The following SLC22A7 variants were observed in gnomAD, a reference collection of about 807,000 sequenced individuals.
SLC22A7 encodes the protein hOAT2.
SLC22A7 carries 48 observed loss-of-function variants against 62.2 expected under a neutral mutation model. The observed-to-expected ratio is 0.77, with a 90% CI of 0.61 to 0.98. The LOEUF (loss-of-function observed/expected upper bound fraction) is 0.98. Ranked by LOEUF, SLC22A7 falls within the 50% of genes least tolerant of loss-of-function variation. The pLI is 0.00. For missense variants in SLC22A7, 581 were observed against 703.8 expected (o/e 0.83, Z 1.97); for synonymous variants, 276 against 314.8 (o/e 0.88, Z 1.30).
intron 7 of SLC22A7, 43 bp downstream of exon 7, chr6:43,301,735 G>C (rs1562114867): frequency 1.3e-5 from 19 of 1,430,500 alleles, no homozygotes; most frequent in Non-Finnish European, 1.6e-5. Context: ...TGGTGGGAGG[G>C]AGGAGCAAAC....
chr6:43,303,116 T>C (rs1778813542), intron 9 of SLC22A7: 1 of 985,410 alleles, frequency 1.0e-6, no homozygotes, highest in South Asian at 4.7e-5. Flanking sequence ...TTATCTTCTG[T>C]ACTATGTGAC....
rs1350618589 is a variant in SLC22A7, at chr6:43,304,943, G to A, written c.*218G>A. 10 of 421,270 alleles carry A rather than the reference G, an allele frequency of 2.4e-5. No homozygotes were observed. In the Admixed American group the frequency reaches 2.5e-4, roughly 10 times the overall value. The allele number at this position is 421,270 out of a possible 1,614,324, so 26.1% of individuals were successfully genotyped here. ...GTGGGCTGCTGGGCACCCCTCTCAC[G>A]GTTGGGGAGGATTCTGTAAATAAAG... On this transcript the variant is annotated 3_prime_UTR_variant, in exon 11 of 11. Transcript: ENST00000372585.
chr6:43,305,350 T>C lies in SLC22A7; in HGVS notation c.*625T>C, dbSNP rs911315438. ...CAAGGGACAAAAAGAACAGAGCTTT[T>C]TGTTCTCATGGCTGGCCCTGCTACC... On this transcript the variant is annotated 3_prime_UTR_variant, in exon 11 of 11. Transcript: ENST00000372585. 8 of 227,438 alleles carry C rather than the reference T, an allele frequency of 3.5e-5. No homozygotes were observed. The highest frequency in any genetic ancestry group is 6.9e-5 in the Non-Finnish European group (8 of 115,930). 14.1% of individuals were successfully genotyped at this position (227,438 alleles called of 1,614,324 possible).
chr6:43,301,877 T>C (rs928569566), intron 7 of SLC22A7, among the ~76,000 whole-genome samples, 185 bp downstream of exon 7: 3 of 152,082 alleles, frequency 2.0e-5, no homozygotes, highest in Non-Finnish European at 4.4e-5. Context: ...CAGAGACACA[T>C]GGGTTCAAGC....
chr6:43,304,447 TG>T (rs1778870380), intron 10 of SLC22A7: 1 of 592,294 alleles, frequency 1.7e-6, no homozygotes, highest in South Asian at 2.3e-5. Flanking sequence ...TGTACATGAG[TG>T]TATGAACACA....
In SLC22A7 at chr6:43,301,228, GC is replaced by G. The variant is rs1778733231; in HGVS notation, c.923del (p.Pro308GlnfsTer12). 1 of 1,614,192 alleles carries G rather than the reference GC, an allele frequency of 6.2e-7. No individual in the cohort carries two copies. The highest frequency in any genetic ancestry group is 2.2e-5 in the East Asian group (1 of 44,886). On this transcript the variant is annotated frameshift_variant, in exon 6 of 11. Coordinates refer to ENST00000372585, the MANE Select transcript of SLC22A7 (RefSeq NM_153320.2). LOFTEE classifies it high-confidence loss of function. ...TCCACTGTGCCAGGCTCAATGGGCGGCCAGTGTGTGAGGACAGCTTCAGCCA... is the reference window on the plus strand; with the variant it reads ...TCCACTGTGCCAGGCTCAATGGGCGGCAGTGTGTGAGGACAGCTTCAGCCA... The part of the protein sequence containing the change: ...LLHCARLNGR[P>X]VCEDSFSQEA...
rs1231679139 is a variant in SLC22A7, at chr6:43,302,765, T to C, written c.1385+2T>C. 1.3e-6 allele frequency: 2 copies of C among 1,592,274 alleles called. No homozygotes were observed. Among genetic ancestry groups the C allele is most frequent in the Admixed American group, 3.4e-5 (2 of 59,030 alleles). Reference sequence around the variant, plus strand: ...AGAGTTGTACCCTACGGTGCTCAGGTGAGGAAGCCTGCAACTGATCTGGGG... The same window carrying C: ...AGAGTTGTACCCTACGGTGCTCAGGCGAGGAAGCCTGCAACTGATCTGGGG... On this transcript the variant is annotated splice_donor_variant, in intron 9 of 10. Transcript: ENST00000372585. LOFTEE classifies it high-confidence loss of function. The surrounding 1 kb of genome is among the most constrained non-coding windows in gnomAD (Gnocchi z 5.0).
chr6:43,301,375 C>T (rs1778740582), intron 6 of SLC22A7, 117 bp downstream of exon 6: 3 of 1,454,172 alleles, frequency 2.1e-6, no homozygotes, highest in South Asian at 2.5e-5. Context: ...TGGGCCCCCA[C>T]AGAGAGTTCC....
intron 5 of SLC22A7, 135 bp downstream of exon 5, chr6:43,300,201 G>A: frequency 1.1e-6 from 1 of 893,714 alleles, no homozygotes; most frequent in South Asian, 1.7e-5. Flanking sequence ...GACAGAAAGA[G>A]ACACAGAGAA....
At chr6:43,300,947 C>T (rs1165215879) in intron 5 of SLC22A7, among the ~76,000 whole-genome samples, 188 bp from the exon 6 acceptor site, 1 of 152,198 alleles carries the variant, frequency 6.6e-6, no homozygotes, top group Admixed American at 6.5e-5. Context: ...CCAGAGGTGG[C>T]TTTTAAACTG....
upstream of SLC22A7, among the ~76,000 whole-genome samples, chr6:43,296,509 T>C (rs1582540775): frequency 6.6e-6 from 1 of 152,238 alleles, no homozygotes; most frequent in South Asian, 2.1e-4. Context: ...AATAATATCA[T>C]TACATAGTAT....
rs1430061169 is a variant in SLC22A7 at position 43,304,179 on chromosome 6, C to T, written c.1527C>T (p.Ala509=). 1 of 1,599,316 alleles carries T rather than the reference C, an allele frequency of 6.3e-7. No homozygotes were observed. The highest frequency in any genetic ancestry group is 8.5e-7 in the Non-Finnish European group (1 of 1,171,578). ...GGIALLAAGT[A]LLLPETRQAQ... ...TCGCCCTGCTGGCTGCCGGCACCGC[C>T]CTCCTGCTGCCAGAGACGAGGCAGG... The change falls in exon 10 of 11, where the codon GCC becomes GCT. Residue 509 remains alanine (A), a synonymous_variant. Transcript: ENST00000372585.
At position 43,299,278 on chromosome 6, in the gene SLC22A7, C is replaced by T. The variant is rs942295794; in HGVS notation, c.400-112C>T. The T allele has an allele frequency of 1.2e-6, 2 of 1,602,640 alleles. No individual in the cohort carries two copies. The highest frequency in any genetic ancestry group is 1.7e-6 in the Non-Finnish European group (2 of 1,174,254). ...AGGTTTATTATCTGGCATGGAGGTA[C>T]CAGAATGGCAGAGTTCGCCTCAGAA... On this transcript the variant is annotated intron_variant, in intron 2 of 10. Coordinates refer to ENST00000372585, the MANE Select transcript of SLC22A7 (RefSeq NM_153320.2). The surrounding 1 kb of genome is among the most constrained non-coding windows in gnomAD (Gnocchi z 4.4).
upstream of SLC22A7, chr6:43,298,165 G>A (rs780396552): frequency 1.8e-6 from 1 of 569,436 alleles, no homozygotes; most frequent in South Asian, 2.4e-5. Flanking sequence ...AGGCAAGACA[G>A]GTAGAGGTCC....
chr6:43,301,194 G>C lies in SLC22A7; in HGVS notation c.887G>C (p.Arg296Thr), dbSNP rs137978532. The C allele has an allele frequency of 6.2e-7, 1 of 1,614,226 alleles. No homozygotes were observed. Among genetic ancestry groups the C allele is most frequent in the Non-Finnish European group, 8.5e-7 (1 of 1,180,038 alleles). ...LTQGHVKEAH[R>T]YLLHCARLNG... Reference sequence around the variant, plus strand: ...CAAGGCCATGTGAAAGAGGCCCACAGGTACTTGCTCCACTGTGCCAGGCTC... The same window carrying C: ...CAAGGCCATGTGAAAGAGGCCCACACGTACTTGCTCCACTGTGCCAGGCTC... Residue 296 changes from arginine to threonine, a missense_variant, in exon 6 of 11, where the codon AGG (arginine) becomes ACG (threonine). Transcript: ENST00000372585.
upstream of SLC22A7, chr6:43,298,100 CA>C (rs1294938871): frequency 4.2e-6 from 2 of 473,316 alleles, no homozygotes; most frequent in Admixed American, 3.8e-5. Flanking sequence ...GGGTAAGCCC[CA>C]GAGCCACGAG....
rs202191934 is a variant in SLC22A7, at chr6:43,301,647, G to A, written c.1016G>A (p.Arg339His). 4.6e-5 allele frequency: 74 copies of A among 1,613,964 alleles called. No homozygotes were observed. In the East Asian group the frequency reaches 1.1e-3, roughly 24 times the overall value. The change falls in exon 7 of 11, where the codon CGC becomes CAC. Residue 339 changes from arginine (R) to histidine (H), a missense_variant. Physicochemically the swap from Arg to His is conservative, Grantham distance 29 (BLOSUM62 0). Transcript: ENST00000372585. The part of the protein sequence containing the change: ...VRRPSYLDLF[R>H]TPRLRHISLC... ...AGACCTTCATACCTAGACCTGTTCCGCACACCACGGCTCCGACACATCTCA... is the reference window on the plus strand; with the variant it reads ...AGACCTTCATACCTAGACCTGTTCCACACACCACGGCTCCGACACATCTCA...
chr6:43,298,972 T>C, intron 1 of SLC22A7, 120 bp from the exon 2 acceptor site: 1 of 1,182,416 alleles, frequency 8.5e-7, no homozygotes, highest in East Asian at 2.3e-5. Context: ...GGGAGGTGAT[T>C]AAGGCAGGGA....
rs983819812 is a variant in SLC22A7, at chr6:43,302,449, A to G, written c.1276+35A>G. 6.7e-7 allele frequency: 1 copy of G among 1,493,432 alleles called. No homozygotes were observed. The highest frequency in any genetic ancestry group is 1.4e-5 in the African/African-American group (1 of 72,042). The allele number at this position is 1,493,432 out of a possible 1,614,324, so 92.5% of individuals were successfully genotyped here. A position where few individuals can be genotyped will look rare whatever the true frequency, so the allele number is the denominator to read the frequency against. ...GTCCCATAGGTTCTGCCCACCCCAG[A>G]AGCCGGGCCAGGAACCCTGCCCACT... On this transcript the variant is annotated intron_variant, in intron 8 of 10. Transcript: ENST00000372585. This position sits in a 1 kb window ranked among gnomAD's most constrained non-coding sequence, Gnocchi z 5.0.
Sources: gnomAD v4.1 joint callset for allele counts (sites outside exome capture counted in the v4.1 genomes callset) on GRCh38, gnomAD v4.1.1 for gene constraint, Gnocchi (gnomAD v3.1) non-coding constraint, MANE v1.5 for transcripts, NCBI Gene and HGNC (gene_info 2026-07-23, HGNC 2026-07-21) for gene names.